Variants in UTP15 observed in about 807,000 individuals in gnomAD.
The protein encoded by UTP15 is UTP15 small subunit processome component, also known as U3 small nucleolar RNA-associated protein 15 homolog.
In UTP15, 5 loss-of-function variants were observed where a neutral mutation model predicts 59.1. That is an observed-to-expected ratio of 0.08 (90% CI 0.04 to 0.18). The LOEUF (loss-of-function observed/expected upper bound fraction) is 0.18, where lower values mean the gene tolerates loss of function less well. Ranked by LOEUF, UTP15 falls within the 10% of genes least tolerant of loss-of-function variation. UTP15 has a pLI of 1.00. For missense variants in UTP15, 494 were observed against 616.7 expected (o/e 0.80, Z 2.11); for synonymous variants, 211 against 212.2 (o/e 0.99, Z 0.05).
chr5:73,580,098 C>T lies in UTP15; in HGVS notation c.*4C>T. On this transcript the variant is annotated 3_prime_UTR_variant, in exon 13 of 13. Transcript: ENST00000296792. ...GAATAAGAAGATAGAATCATAGTGT[C>T]TGCTAAATAAGACATATAAGAACTC... 1 of 1,610,054 alleles carries T rather than the reference C, an allele frequency of 6.2e-7. No homozygotes were observed. The highest frequency in any genetic ancestry group is 1.1e-5 in the South Asian group (1 of 90,616).
At chr5:73,572,362 G>T (rs1463027209) in intron 6 of UTP15, 127 bp from the exon 7 acceptor site, 2 of 1,223,628 alleles carry the variant, frequency 1.6e-6, no homozygotes, top group African/African-American at 3.1e-5. Context: ...TTACCAGGCA[G>T]CCTGGCCTGG....
In UTP15 at chr5:73,572,474, G is replaced by A. The variant is rs753834772; in HGVS notation, c.674-15G>A. On this transcript the variant is annotated splice_polypyrimidine_tract_variant and intron_variant, in intron 6 of 12. Transcript: ENST00000296792. ...GTGGGCAGAATATCCAACTAACGAT[G>A]ATTTCTTTTTATAGGAGGTCGTTAT... The A allele has an allele frequency of 7.4e-6, 12 of 1,612,280 alleles. No homozygotes were observed.
intron 6 of UTP15, among the ~76,000 whole-genome samples, chr5:73,571,965 G>A (rs1747945777): frequency 1.3e-5 from 2 of 152,078 alleles, no homozygotes; most frequent in Admixed American, 1.3e-4. Context: ...GAAAATGAGA[G>A]GGTTGGACTA....
chr5:73,579,567 T>TATC (rs1225877213), intron 12 of UTP15, among the ~76,000 whole-genome samples, 192 bp downstream of exon 12: 1 of 152,166 alleles, frequency 6.6e-6, no homozygotes, highest in Admixed American at 6.5e-5. Context: ...TGACTTTGAA[T>TATC]TGATGGGACT....
At chr5:73,572,463 C>T in intron 6 of UTP15, 26 bp from the exon 7 acceptor site, 1 of 1,611,552 alleles carries the variant, frequency 6.2e-7, no homozygotes, top group Admixed American at 1.7e-5. Context: ...GCAGAATATC[C>T]AACTAACGAT....
chr5:73,577,959 C>T lies in UTP15; in HGVS notation c.998C>T (p.Pro333Leu). Residue 333 changes from proline (P) to leucine (L), a missense_variant, in exon 9 of 13, where the codon CCT becomes CTT. Transcript: ENST00000296792. The part of the protein sequence containing the change: ...KKESLPRRRR[P>L]AYRTFIKGKN... ...GAATCACTTCCCAGAAGAAGAAGGC[C>T]TGCATATCGAACCTTTATTAAAGGA... is the stretch of plus-strand genomic sequence containing the variant. 1.3e-6 allele frequency: 2 copies of T among 1,583,278 alleles called. No individual in the cohort carries two copies. Among genetic ancestry groups the T allele is most frequent in the Non-Finnish European group, 8.5e-7 (1 of 1,171,626 alleles).
At position 73,572,552 on chromosome 5, in the gene UTP15, A is replaced by T; in HGVS notation, c.737A>T (p.Asn246Ile). Residue 246 changes from asparagine to isoleucine, a missense_variant, in exon 7 of 13, where the codon AAT (asparagine) becomes ATT (isoleucine). By Grantham distance (149) the Asn-to-Ile change is moderately radical. Coordinates refer to ENST00000296792, the MANE Select transcript of UTP15 (RefSeq NM_032175.4). ...KGGQLLVSLK[N>I]HHKTVTCLCL... Reference sequence around the variant, plus strand: ...GGACAATTGCTAGTATCTTTGAAAAATCATCACAAAACCGTGACATGTTTA... The same window carrying T: ...GGACAATTGCTAGTATCTTTGAAAATTCATCACAAAACCGTGACATGTTTA... 6.2e-7 allele frequency: 1 copy of T among 1,614,192 alleles called. No homozygotes were observed. The highest frequency in any genetic ancestry group is 8.5e-7 in the Non-Finnish European group (1 of 1,180,026).
intron 5 of UTP15, among the ~76,000 whole-genome samples, chr5:73,570,315 A>C (rs1428513217): frequency 1.3e-5 from 2 of 152,214 alleles, no homozygotes; most frequent in Non-Finnish European, 2.9e-5. Context: ...TGCCTTTACA[A>C]AGATTTCCAG....
Position 73,579,162 on chromosome 5 carries a change from G to T in UTP15, c.1280+12G>T. On this transcript the variant is annotated intron_variant, in intron 11 of 12. Transcript: ENST00000296792. ...AATTTTTTGATAAGGTATGTTTTTT[G>T]TCTGTGAAACACTTACATTTTGCAT... 6.2e-7 allele frequency: 1 copy of T among 1,613,216 alleles called. No homozygotes were observed. Among genetic ancestry groups the T allele is most frequent in the East Asian group, 2.2e-5 (1 of 44,866 alleles).
intron 7 of UTP15, among the ~76,000 whole-genome samples, chr5:73,574,003 A>G (rs766289246): frequency 6.6e-6 from 1 of 152,170 alleles, no homozygotes; most frequent in Non-Finnish European, 1.5e-5. Flanking sequence ...TAAATTAAGC[A>G]TCTAAACATG....
chr5:73,577,827 GACTA>G, intron 8 of UTP15, 25 bp from the exon 9 acceptor site: 1 of 1,561,830 alleles, frequency 6.4e-7, no homozygotes, highest in Non-Finnish European at 8.6e-7. Flanking sequence ...GTTAAGAATA[GACTA>G]ACTTATTTTT....
At position 73,583,072 on chromosome 5, in the gene UTP15, T is replaced by G. The variant is rs1014527374; in HGVS notation, c.*2978T>G. 1 of 152,232 alleles carries G rather than the reference T, an allele frequency of 6.6e-6. No homozygotes were observed. Among genetic ancestry groups the G allele is most frequent in the Non-Finnish European group, 1.5e-5 (1 of 68,048 alleles). 9.4% of individuals were successfully genotyped at this position (152,232 alleles called of 1,614,324 possible). A position where few individuals can be genotyped will look rare whatever the true frequency, so the allele number is the denominator to read the frequency against. On this transcript the variant is annotated 3_prime_UTR_variant, in exon 13 of 13. Transcript: ENST00000296792. ...TGTAAATGGGATTGTTAAAACAAAT[T>G]TAGTCTGTTCAACTCAATGAGGGCA...
At chr5:73,571,314 C>A (rs1405335389) in intron 6 of UTP15, among the ~76,000 whole-genome samples, 2 of 151,348 alleles carry the variant, frequency 1.3e-5, no homozygotes, top group Non-Finnish European at 2.9e-5. Context: ...AATGCCACTA[C>A]CCAGCAAATA....
intron 7 of UTP15, among the ~76,000 whole-genome samples, chr5:73,573,935 A>G (rs1018593043): frequency 6.6e-6 from 1 of 152,036 alleles, no homozygotes; most frequent in Non-Finnish European, 1.5e-5. Context: ...AATATATATT[A>G]CATATAAAAT....
chr5:73,565,939 G>A (rs1368257245), intron 1 of UTP15, 27 bp downstream of exon 1: 1 of 455,308 alleles, frequency 2.2e-6, no homozygotes, highest in Non-Finnish European at 4.4e-6. Flanking sequence ...CCCATTGAGG[G>A]AAGCCCACAC....
chr5:73,568,270 A>G lies in UTP15; in HGVS notation c.126A>G (p.Ser42=), dbSNP rs1337353232. 2.5e-6 allele frequency: 4 copies of G among 1,610,960 alleles called. No individual in the cohort carries two copies. In the African/African-American group the frequency reaches 4.0e-5, roughly 16 times the overall value. The stretch of plus-strand genomic sequence containing the variant: ...AGATTAAGGAATTTGGTGCAGTTTC[A>G]AAAGTAGACTTTTCTCCTCAGCCTC... ...PVQIKEFGAV[S]KVDFSPQPPY... is the part of the protein sequence containing the mutation. The change falls in exon 3 of 13, where the codon TCA becomes TCG. Residue 42 remains serine, a synonymous_variant. Coordinates refer to ENST00000296792, the MANE Select transcript of UTP15 (RefSeq NM_032175.4).
chr5:73,570,979 A>T (rs1340755843), intron 6 of UTP15, among the ~76,000 whole-genome samples: 1 of 152,176 alleles, frequency 6.6e-6, no homozygotes, highest in Non-Finnish European at 1.5e-5. Context: ...AATGAAATAA[A>T]AGTTTTAACT....
chr5:73,580,090 C>T lies in UTP15; in HGVS notation c.1553C>T (p.Ser518Leu), dbSNP rs906322230. ...TTTCCAGAGAATAAGAAGATAGAAT[C>T]ATAGTGTCTGCTAAATAAGACATAT... Reference protein sequence around the residue: ...DGFPENKKIES With the variant: ...DGFPENKKIEL Residue 518 changes from serine to leucine, a missense_variant, in exon 13 of 13, where the codon TCA (serine) becomes TTA (leucine). Transcript: ENST00000296792. 3.1e-6 allele frequency: 5 copies of T among 1,612,076 alleles called. No homozygotes were observed. The highest frequency in any genetic ancestry group is 1.3e-5 in the African/African-American group (1 of 74,942).
intron 5 of UTP15, 59 bp from the exon 6 acceptor site, chr5:73,570,527 A>C (rs1327696981): frequency 1.6e-5 from 25 of 1,549,606 alleles, no homozygotes; most frequent in Non-Finnish European, 2.1e-5. Flanking sequence ...ATATCTGGAT[A>C]CACACAGTTT....
Sources: allele counts gnomAD v4.1 joint callset (sites outside exome capture counted in the v4.1 genomes callset), GRCh38; gene constraint gnomAD v4.1.1; transcripts MANE v1.5; gene names NCBI Gene and HGNC (gene_info 2026-07-23, HGNC 2026-07-21).